Variants in HKDC1 observed in about 807,000 individuals in gnomAD.
HKDC1 encodes hexokinase domain containing 1.
A neutral mutation model predicts 96.6 loss-of-function variants in HKDC1; 66 were observed. The observed-to-expected ratio is 0.68, with a 90% CI of 0.56 to 0.84. The LOEUF (loss-of-function observed/expected upper bound fraction) is 0.84. Ranked by LOEUF, HKDC1 falls within the 40% of genes least tolerant of loss-of-function variation. HKDC1 has a pLI of 0.00. For synonymous variants in HKDC1, 466 were observed against 473.1 expected, an observed-to-expected ratio of 0.98 and a Z score of 0.20; for missense variants, 1,211 against 1,208.1, an observed-to-expected ratio of 1.00 and a Z score of -0.04.
chr10:69,244,749 C>T lies in HKDC1; in HGVS notation c.876-1330C>T, dbSNP rs189310139. ...ACTGAGGTGGGAGGATCACTTGAGCCAGGGAGGTCCAGGGTGCAGTAAGCT... is the reference window on the plus strand; with the variant it reads ...ACTGAGGTGGGAGGATCACTTGAGCTAGGGAGGTCCAGGGTGCAGTAAGCT... On this transcript the variant is annotated intron_variant, in intron 7 of 17. Coordinates refer to ENST00000354624, the MANE Select transcript of HKDC1 (RefSeq NM_025130.4). Among the ~76,000 whole-genome samples the T allele has an allele frequency of 2.0e-3, 309 of 152,124 alleles. 1 individual carries two copies. The highest frequency in any genetic ancestry group is 7.1e-3 in the African/African-American group (293 of 41,490).
chr10:69,244,951 G>C (rs573459662), intron 7 of HKDC1, among the ~76,000 whole-genome samples: 189 of 152,224 alleles, frequency 1.2e-3, no homozygotes, highest in African/African-American at 4.3e-3. Context: ...GCCAAGGCTG[G>C]AGTGCAGTGG....
intron 14 of HKDC1, among the ~76,000 whole-genome samples, 162 bp from the exon 15 acceptor site, chr10:69,258,614 G>A (rs1843756945): frequency 1.3e-5 from 2 of 152,198 alleles, no homozygotes; most frequent in African/African-American, 4.8e-5. Flanking sequence ...GCCTCTGAAA[G>A]ATGAGATGCT....
chr10:69,250,498 G>C, intron 11 of HKDC1, 35 bp from the exon 12 acceptor site: 1 of 1,613,634 alleles, frequency 6.2e-7, no homozygotes. Context: ...ATCGATGTCC[G>C]CCTGGTGTGA....
intron 1 of HKDC1, among the ~76,000 whole-genome samples, chr10:69,224,091 C>T (rs1204159675): frequency 6.7e-6 from 1 of 150,358 alleles, no homozygotes; most frequent in Non-Finnish European, 1.5e-5. Flanking sequence ...GCCTGTAGTC[C>T]CAGGTACTTG....
intron 6 of HKDC1, among the ~76,000 whole-genome samples, chr10:69,241,370 CAGATT>C (rs917578408): frequency 1.2e-4 from 18 of 152,210 alleles, no homozygotes; most frequent in African/African-American, 4.3e-4. Flanking sequence ...ACAGACTGGG[CAGATT>C]GCACAGGATG....
intron 16 of HKDC1, among the ~76,000 whole-genome samples, chr10:69,262,879 C>T (rs971236577): frequency 2.6e-5 from 4 of 151,848 alleles, no homozygotes; most frequent in South Asian, 4.1e-4. Context: ...CAGCTTCTCC[C>T]TCATAAGCAA....
rs746836005 is a variant in HKDC1 at position 69,265,706 on chromosome 10, C to T, written c.2494C>T (p.Leu832Phe). Residue 832 changes from leucine (L) to phenylalanine (F), a missense_variant, in exon 17 of 18, where the codon CTC becomes TTC. Physicochemically the swap from Leu to Phe is conservative, Grantham distance 22. Transcript: ENST00000354624. ...CGAVSRRAAQLCGAGLAAIVE... is the reference protein window; with the variant it reads ...CGAVSRRAAQFCGAGLAAIVE... Reference sequence around the variant, plus strand: ...AGCCGTGTCCCGGCGGGCGGCCCAGCTCTGCGGTGCTGGCCTGGCCGCTAT... The same window carrying T: ...AGCCGTGTCCCGGCGGGCGGCCCAGTTCTGCGGTGCTGGCCTGGCCGCTAT... 1.2e-6 allele frequency: 2 copies of T among 1,613,418 alleles called. No individual in the cohort carries two copies. The highest frequency in any genetic ancestry group is 1.1e-5 in the South Asian group (1 of 91,030).
chr10:69,250,060 T>C (rs1305141240), intron 10 of HKDC1, among the ~76,000 whole-genome samples: 2 of 152,194 alleles, frequency 1.3e-5, no homozygotes, highest in Non-Finnish European at 2.9e-5. Flanking sequence ...AGGTGGTGCC[T>C]GGGACTTTAC....
chr10:69,246,127 T>A lies in HKDC1; in HGVS notation c.924T>A (p.Leu308=). 6.2e-7 allele frequency: 1 copy of A among 1,614,262 alleles called. No homozygotes were observed. ...SGLYLGELVR[L]ILLKMAKAGL... ...TGTACCTGGGGGAGCTTGTCAGGCT[T>A]ATCTTGCTGAAGATGGCCAAGGCTG... Residue 308 remains leucine, a synonymous_variant, in exon 8 of 18, where the codon CTT becomes CTA. Coordinates refer to ENST00000354624, the MANE Select transcript of HKDC1 (RefSeq NM_025130.4).
intron 15 of HKDC1, among the ~76,000 whole-genome samples, chr10:69,260,598 G>C (rs900330634): frequency 4.6e-5 from 7 of 152,138 alleles, no homozygotes; most frequent in African/African-American, 1.7e-4. Context: ...CTTCCCATTT[G>C]ACTCTGCAAG....
At chr10:69,259,661 G>A (rs933409713) in intron 15 of HKDC1, among the ~76,000 whole-genome samples, 3 of 152,230 alleles carry the variant, frequency 2.0e-5, no homozygotes, top group African/African-American at 7.2e-5. Context: ...AGGCTGTGCA[G>A]GAAGCATGGC....
At chr10:69,237,291 G>C (rs753508994) in intron 4 of HKDC1, among the ~76,000 whole-genome samples, 2,433 of 139,180 alleles carry the variant, frequency 0.017, 18 homozygotes, top group Non-Finnish European at 0.027. Context: ...GTGTGTGTGT[G>C]TGTGTGTGTG....
At chr10:69,248,864 G>A in intron 10 of HKDC1, 136 bp downstream of exon 10, 2 of 787,002 alleles carry the variant, frequency 2.5e-6, no homozygotes, top group East Asian at 5.5e-5. Flanking sequence ...AAGAAGGCTA[G>A]TATTCTTTCT....
At chr10:69,239,682 T>G (rs1843423639) in intron 5 of HKDC1, among the ~76,000 whole-genome samples, 1 of 152,208 alleles carries the variant, frequency 6.6e-6, no homozygotes, top group Non-Finnish European at 1.5e-5. Flanking sequence ...GCATGTTTGC[T>G]GCATAGCCTT....
chr10:69,267,510 G>T lies in HKDC1; in HGVS notation c.*753G>T, dbSNP rs1323767172. ...TTGTTTTAAGGATTGTTAGGTATAG[G>T]AAATCCAGTAAATTAATAAAAAAAT... On this transcript the variant is annotated 3_prime_UTR_variant, in exon 18 of 18. Transcript: ENST00000354624. The T allele has an allele frequency of 2.2e-6, 1 of 452,762 alleles. No homozygotes were observed. The highest frequency in any genetic ancestry group is 2.0e-5 in the African/African-American group (1 of 49,856). 28.0% of individuals were successfully genotyped at this position (452,762 alleles called of 1,614,324 possible).
At chr10:69,262,826 A>T (rs991222481) in intron 16 of HKDC1, among the ~76,000 whole-genome samples, 1 of 152,190 alleles carries the variant, frequency 6.6e-6, no homozygotes, top group African/African-American at 2.4e-5. Flanking sequence ...GTTAAAAATC[A>T]TCACGCTTGG....
In HKDC1 at chr10:69,257,326, G is replaced by A; in HGVS notation, c.1933-1G>A. ...TTTTTTGTTTTTGTTTTTGTTTTTA[G>A]GAGTTTGACCTGGACATTGTTGCAG... is the stretch of plus-strand genomic sequence containing the variant. On this transcript the variant is annotated splice_acceptor_variant, in intron 13 of 17. Transcript: ENST00000354624. LOFTEE classifies it high-confidence loss of function. 1 of 1,612,536 alleles carries A rather than the reference G, an allele frequency of 6.2e-7. No homozygotes were observed. The highest frequency in any genetic ancestry group is 8.5e-7 in the Non-Finnish European group (1 of 1,178,594).
Position 69,243,101 on chromosome 10 carries a change from A to G in HKDC1, c.692-81A>G, listed in dbSNP as rs1039456590. 2.9e-6 allele frequency: 4 copies of G among 1,383,188 alleles called. No homozygotes were observed. In the African/African-American group the frequency reaches 5.7e-5, roughly 20 times the overall value. The allele number at this position is 1,383,188 out of a possible 1,614,324, so 85.7% of individuals were successfully genotyped here. A position where few individuals can be genotyped will look rare whatever the true frequency, so the allele number is the denominator to read the frequency against. On this transcript the variant is annotated intron_variant, in intron 6 of 17. Coordinates refer to ENST00000354624, the MANE Select transcript of HKDC1 (RefSeq NM_025130.4). ...AGCACTTTGTGGTACATTGAGGAGG[A>G]CTCCCCAGCAGTCAAGAGTTCTCTG...
intron 2 of HKDC1, among the ~76,000 whole-genome samples, chr10:69,231,858 A>C (rs1161141687): frequency 2.6e-5 from 4 of 152,216 alleles, no homozygotes; most frequent in African/African-American, 9.6e-5. Context: ...TATACTAATA[A>C]AAGTTGCATA....
Sources: allele counts gnomAD v4.1 joint callset (sites outside exome capture counted in the v4.1 genomes callset), GRCh38; gene constraint gnomAD v4.1.1; transcripts MANE v1.5; gene names NCBI Gene and HGNC (gene_info 2026-07-23, HGNC 2026-07-21).